MFAP1: variants seen among roughly 807,000 people sequenced by gnomAD.
MFAP1 encodes the protein microfibril associated protein 1.
A neutral mutation model predicts 62.2 loss-of-function variants in MFAP1; 18 were observed. The observed-to-expected ratio is 0.29, with a 90% CI of 0.20 to 0.43. MFAP1 has a LOEUF of 0.43. Ranked by LOEUF, MFAP1 falls within the 20% of genes least tolerant of loss-of-function variation. The pLI, the probability that MFAP1 is intolerant of heterozygous loss-of-function variation, is 1.00. For synonymous variants in MFAP1, 175 were observed against 180.4 expected, an observed-to-expected ratio of 0.97 and a Z score of 0.24; for missense variants, 355 against 559.7, an observed-to-expected ratio of 0.63 and a Z score of 3.69.
At chr15:43,810,094 G>A in intron 6 of MFAP1, 180 bp from the exon 7 acceptor site, 1 of 677,332 alleles carries the variant, frequency 1.5e-6, no homozygotes, top group Non-Finnish European at 2.4e-6. Context: ...TCTTCATTAT[G>A]TTTGCTAGAC....
In MFAP1 at chr15:43,813,145, A is replaced by G. The variant is rs779347296; in HGVS notation, c.729T>C (p.Ile243=). Residue 243 remains isoleucine (I), a splice_region_variant and synonymous_variant, in exon 6 of 9, where the codon ATT becomes ATC. Coordinates refer to ENST00000267812, the MANE Select transcript of MFAP1 (RefSeq NM_005926.3). ...AEERRKYTLK[I]VEEETKKELE... ...GCTCTTTTTTGGTTTCCTCTTCGAC[A>G]ATCTGGATAGGGAGAACAATTCAGC... 6.2e-7 allele frequency: 1 copy of G among 1,614,034 alleles called. No individual in the cohort carries two copies. Among genetic ancestry groups the G allele is most frequent in the South Asian group, 1.1e-5 (1 of 91,066 alleles).
At position 43,822,964 on chromosome 15, in the gene MFAP1, G is replaced by A. The variant is rs986292749; in HGVS notation, c.79+1527C>T. Among the ~76,000 whole-genome samples, 4 of 150,834 alleles carry A rather than the reference G, an allele frequency of 2.7e-5. No homozygotes were observed. The South Asian group carries it at 8.4e-4, about 32-fold the overall frequency. ...AGTGATTCTCCTGCCTCAGCCTACC[G>A]AGTAGCTGGGATTACAGGCGCCTGC... On this transcript the variant is annotated intron_variant, in intron 1 of 8. Coordinates refer to ENST00000267812, the MANE Select transcript of MFAP1 (RefSeq NM_005926.3).
intron 6 of MFAP1, among the ~76,000 whole-genome samples, chr15:43,811,464 G>GT (rs1350911814): frequency 6.7e-6 from 1 of 148,510 alleles, no homozygotes; most frequent in African/African-American, 2.5e-5. Flanking sequence ...TGAGTATGGA[G>GT]TTATCTACTG....
intron 1 of MFAP1, among the ~76,000 whole-genome samples, chr15:43,822,518 C>A (rs922351667): frequency 6.6e-6 from 1 of 152,014 alleles, no homozygotes; most frequent in Non-Finnish European, 1.5e-5. Context: ...GGATTACAGG[C>A]GTGCGCCATC....
At chr15:43,812,230 T>C (rs2141707306) in intron 6 of MFAP1, among the ~76,000 whole-genome samples, 1 of 150,794 alleles carries the variant, frequency 6.6e-6, no homozygotes, top group East Asian at 2.0e-4. Context: ...CAGTGTAGAT[T>C]ATTTAAGTGC....
intron 7 of MFAP1, among the ~76,000 whole-genome samples, chr15:43,807,984 C>G (rs1253360342): frequency 6.6e-6 from 1 of 152,016 alleles, no homozygotes; most frequent in African/African-American, 2.4e-5. Flanking sequence ...CCCATCTCTA[C>G]AAAATAGAAA....
chr15:43,813,520 T>C (rs1244329315), intron 4 of MFAP1, among the ~76,000 whole-genome samples, 163 bp from the exon 5 acceptor site: 1 of 149,328 alleles, frequency 6.7e-6, no homozygotes, highest in African/African-American at 2.5e-5. Flanking sequence ...TTTTTTTTTT[T>C]TTTTTTTTTG....
At chr15:43,810,422 A>G (rs1294946897) in intron 6 of MFAP1, among the ~76,000 whole-genome samples, 5 of 149,102 alleles carry the variant, frequency 3.4e-5, no homozygotes, top group Non-Finnish European at 7.4e-5. Flanking sequence ...GCTGGAGTGC[A>G]GTGGTGTGAT....
chr15:43,823,348 G>A (rs2087478606), intron 1 of MFAP1, among the ~76,000 whole-genome samples: 1 of 151,702 alleles, frequency 6.6e-6, no homozygotes, highest in East Asian at 1.9e-4. Context: ...AATAAAGCTA[G>A]TATTGGCTAG....
intron 1 of MFAP1, among the ~76,000 whole-genome samples, chr15:43,819,522 C>CTATT (rs765639399): frequency 3.5e-4 from 53 of 152,038 alleles, no homozygotes; most frequent in Non-Finnish European, 6.2e-4. Context: ...TAGAAACATT[C>CTATT]TATTTATTTA....
intron 7 of MFAP1, among the ~76,000 whole-genome samples, chr15:43,807,418 G>T (rs1368499779): frequency 6.7e-6 from 1 of 149,540 alleles, no homozygotes; most frequent in East Asian, 2.0e-4. Context: ...GCGTGATCTC[G>T]GCTCACTGCA....
Position 43,804,991 on chromosome 15 carries a change from T to A in MFAP1, c.*103A>T, listed in dbSNP as rs1596053779. The A allele has an allele frequency of 2.2e-5, 28 of 1,280,362 alleles. No homozygotes were observed. In the East Asian group the frequency reaches 6.6e-4, roughly 30 times the overall value. 79.3% of individuals were successfully genotyped at this position (1,280,362 alleles called of 1,614,324 possible). On this transcript the variant is annotated 3_prime_UTR_variant, in exon 9 of 9. Transcript: ENST00000267812. ...ATCACAAGTATAGCAGTAAGTCCAA[T>A]ATCTGGATACAGGGGCCAAGGAAAC...
Position 43,814,643 on chromosome 15 carries a change from T to G in MFAP1, c.475A>C (p.Arg159=), listed in dbSNP as rs1327076719. ...RGMMRQRAQE[R]KNEEMEVMEV... ...ATGACTTCCATCTCTTCATTTTTTC[T>G]CTCCTGTGCTCGCTGACGCATCATG... is the stretch of plus-strand genomic sequence containing the variant. Residue 159 remains arginine, a synonymous_variant, in exon 4 of 9, where the codon AGA becomes CGA. Transcript: ENST00000267812. 2 of 1,614,000 alleles carry G rather than the reference T, an allele frequency of 1.2e-6. No individual in the cohort carries two copies. Among genetic ancestry groups the G allele is most frequent in the Non-Finnish European group, 1.7e-6 (2 of 1,180,024 alleles).
chr15:43,824,272 AT>A (rs1188602865), intron 1 of MFAP1, among the ~76,000 whole-genome samples: 6 of 151,900 alleles, frequency 3.9e-5, no homozygotes, highest in Non-Finnish European at 8.8e-5. Context: ...AGTCTAAGGA[AT>A]TTGTGGAGGC....
intron 4 of MFAP1, among the ~76,000 whole-genome samples, chr15:43,814,167 T>C (rs2087420375): frequency 6.6e-6 from 1 of 152,096 alleles, no homozygotes; most frequent in African/African-American, 2.4e-5. Context: ...GCAGAACTGC[T>C]TGAAACCAGG....
At chr15:43,809,409 T>C (rs1596055342) in intron 7 of MFAP1, among the ~76,000 whole-genome samples, 1 of 147,734 alleles carries the variant, frequency 6.8e-6, no homozygotes, top group South Asian at 2.2e-4. Context: ...CTGAAGCAGG[T>C]GTAAAGCGCA....
At position 43,813,068 on chromosome 15, in the gene MFAP1, T is replaced by C. The variant is rs771230073; in HGVS notation, c.806A>G (p.Asp269Gly). 3.7e-6 allele frequency: 6 copies of C among 1,614,112 alleles called. No homozygotes were observed. The highest frequency in any genetic ancestry group is 4.5e-5 in the East Asian group (2 of 44,908). The change falls in exon 6 of 9, where the codon GAT becomes GGT. Residue 269 changes from aspartate (D) to glycine (G), a missense_variant. By Grantham distance (94) the Asp-to-Gly change is moderately conservative. Transcript: ENST00000267812. ...LAALDALNTD[D>G]ENDEEEYEAW... ...CTCATATTCCTCCTCATCATTTTCA[T>C]CATCAGTATTGAGTGCATCCAATGC...
intron 4 of MFAP1, 44 bp from the exon 5 acceptor site, chr15:43,813,401 G>T: frequency 6.4e-7 from 1 of 1,558,652 alleles, no homozygotes; most frequent in South Asian, 1.2e-5. Flanking sequence ...TCCTTAGAGT[G>T]GAGTGCTTTG....
intron 1 of MFAP1, among the ~76,000 whole-genome samples, chr15:43,818,106 G>A (rs2087445604): frequency 6.8e-6 from 1 of 146,536 alleles, no homozygotes; most frequent in Admixed American, 7.2e-5. Context: ...TGCAACCTCC[G>A]CCTCCCGGGT....
Sources: allele counts gnomAD v4.1 joint callset (sites outside exome capture counted in the v4.1 genomes callset), GRCh38; gene constraint gnomAD v4.1.1; transcripts MANE v1.5; gene names NCBI Gene and HGNC (gene_info 2026-07-23, HGNC 2026-07-21).